The following ADAMTS19 variants were observed in gnomAD, a reference collection of about 807,000 sequenced individuals.
The protein encoded by ADAMTS19 is A disintegrin and metalloproteinase with thrombospondin motifs 19.
ADAMTS19 carries 93 observed loss-of-function variants against 153.3 expected under a neutral mutation model. That is an observed-to-expected ratio of 0.61 (90% CI 0.51 to 0.72). The LOEUF (loss-of-function observed/expected upper bound fraction) is 0.72, where lower values mean the gene tolerates loss of function less well. Among genes scored for constraint, ADAMTS19 ranks in the 30% least tolerant of loss-of-function variants. The pLI is 0.00. For synonymous variants in ADAMTS19, 600 were observed against 556.6 expected (o/e 1.08, Z -1.10); for missense variants, 1,482 against 1,552.1 (o/e 0.95, Z 0.76).
chr5:129,605,666 T>C (rs904970256), intron 8 of ADAMTS19, among the ~76,000 whole-genome samples: 3 of 152,210 alleles, frequency 2.0e-5, no homozygotes, highest in Non-Finnish European at 2.9e-5. Context: ...TCTTGTCTAC[T>C]TAGTTCACTG....
At chr5:129,493,136 C>T (rs1443285738) in intron 2 of ADAMTS19, among the ~76,000 whole-genome samples, 2 of 152,032 alleles carry the variant, frequency 1.3e-5, no homozygotes, top group African/African-American at 4.8e-5. Flanking sequence ...TAACATGGTT[C>T]TTCAAGGATT....
chr5:129,525,175 C>A (rs895843170), intron 3 of ADAMTS19, among the ~76,000 whole-genome samples: 13 of 152,034 alleles, frequency 8.6e-5, no homozygotes, highest in African/African-American at 2.7e-4. Flanking sequence ...TGTTTTAGAT[C>A]ATTGATTAAT....
chr5:129,648,906 G>A lies in ADAMTS19; in HGVS notation c.2112G>A (p.Gln704=). ...CTGGATTCAGAGACTGGCAATGTCA[G>A]GCTTATAGTGTTAGAACTTCCTCCC... ...GLPGFRDWQC[Q]AYSVRTSSPK... is the part of the protein sequence containing the mutation. Residue 704 remains glutamine, a synonymous_variant, in exon 13 of 23, where the codon CAG becomes CAA. Coordinates refer to ENST00000274487, the MANE Select transcript of ADAMTS19 (RefSeq NM_133638.6). The A allele has an allele frequency of 6.2e-7, 1 of 1,613,704 alleles. No individual in the cohort carries two copies.
intron 2 of ADAMTS19, among the ~76,000 whole-genome samples, chr5:129,494,835 C>A (rs1008468192): frequency 6.6e-6 from 1 of 152,028 alleles, no homozygotes; most frequent in African/African-American, 2.4e-5. Context: ...TCTTTTTGTT[C>A]TACCTTCAGA....
intron 2 of ADAMTS19, among the ~76,000 whole-genome samples, chr5:129,486,218 G>C (rs11748818): frequency 1.2e-4 from 19 of 152,034 alleles, no homozygotes; most frequent in Non-Finnish European, 2.6e-4. Flanking sequence ...TTGAAAGGAG[G>C]GAACACTCCC....
intron 6 of ADAMTS19, among the ~76,000 whole-genome samples, chr5:129,529,545 A>T (rs953335223): frequency 2.6e-5 from 4 of 152,218 alleles, no homozygotes; most frequent in African/African-American, 7.2e-5. Flanking sequence ...ATAAGAAGTC[A>T]CTGCTTTTAG....
intron 10 of ADAMTS19, among the ~76,000 whole-genome samples, chr5:129,639,403 G>A (rs189832409): frequency 9.9e-5 from 15 of 152,238 alleles, no homozygotes; most frequent in Middle Eastern, 3.4e-3. Flanking sequence ...TTTTAAGACC[G>A]AGGCTGTAAT....
chr5:129,587,333 TC>T (rs1749862209), intron 7 of ADAMTS19, among the ~76,000 whole-genome samples: 1 of 151,934 alleles, frequency 6.6e-6, no homozygotes, highest in African/African-American at 2.4e-5. Flanking sequence ...TACTCGATGT[TC>T]TTTTTTTTTT....
chr5:129,592,013 C>T (rs531203769), intron 7 of ADAMTS19, among the ~76,000 whole-genome samples: 1 of 152,184 alleles, frequency 6.6e-6, no homozygotes, highest in South Asian at 2.1e-4. Context: ...ACTTCTTGTA[C>T]ATGACTCATT....
intron 21 of ADAMTS19, among the ~76,000 whole-genome samples, chr5:129,730,947 TG>T (rs1757418265): frequency 2.0e-5 from 3 of 151,424 alleles, no homozygotes; most frequent in Non-Finnish European, 4.4e-5. Flanking sequence ...TGTTTTGTTT[TG>T]TTTTGTTTTG....
intron 6 of ADAMTS19, among the ~76,000 whole-genome samples, chr5:129,535,827 A>G (rs1752399057): frequency 1.3e-5 from 2 of 152,212 alleles, no homozygotes; most frequent in Admixed American, 6.5e-5. Flanking sequence ...TTCCCTATTT[A>G]ATAAATGGTG....
chr5:129,680,337 G>A (rs771136241), intron 17 of ADAMTS19, among the ~76,000 whole-genome samples: 2 of 152,098 alleles, frequency 1.3e-5, no homozygotes, highest in South Asian at 2.1e-4. Context: ...TATTCTACCC[G>A]AGAGAAGGAA....
At chr5:129,707,479 A>T (rs920366850) in intron 21 of ADAMTS19, among the ~76,000 whole-genome samples, 1 of 152,222 alleles carries the variant, frequency 6.6e-6, no homozygotes, top group Non-Finnish European at 1.5e-5. Flanking sequence ...AATTAAAACC[A>T]GTGGCTCCAC....
At chr5:129,596,515 C>T (rs748691560) in intron 7 of ADAMTS19, 44 bp from the exon 8 acceptor site, 1 of 1,270,646 alleles carries the variant, frequency 7.9e-7, no homozygotes. Context: ...TAAATATTTG[C>T]ATATTCATTC....
intron 15 of ADAMTS19, 43 bp from the exon 16 acceptor site, chr5:129,665,456 G>C (rs751446029): frequency 6.9e-7 from 1 of 1,458,738 alleles, no homozygotes; most frequent in Admixed American, 2.0e-5. Context: ...AAGAGATTTT[G>C]AAGGAACTCA....
intron 3 of ADAMTS19, 88 bp from the exon 4 acceptor site, chr5:129,526,196 A>C: frequency 2.6e-6 from 3 of 1,149,138 alleles, no homozygotes; most frequent in Non-Finnish European, 3.5e-6. Context: ...TCGGGAACTT[A>C]TTTGGGTTTG....
chr5:129,635,910 T>C lies in ADAMTS19; in HGVS notation c.1771-5949T>C, dbSNP rs114491170. ...ACGTTCAATTTATTTATTTATTTAT[T>C]ATTTGAGACAGAGTCTTGCTCTGCT... is the stretch of plus-strand genomic sequence containing the variant. On this transcript the variant is annotated intron_variant, in intron 10 of 22. Coordinates refer to ENST00000274487, the MANE Select transcript of ADAMTS19 (RefSeq NM_133638.6). Among the ~76,000 whole-genome samples the C allele has an allele frequency of 7.5e-3, 1,138 of 152,232 alleles. 12 individuals carry two copies. Among genetic ancestry groups the C allele is most frequent in the African/African-American group, 0.026 (1,067 of 41,528 alleles).
intron 21 of ADAMTS19, among the ~76,000 whole-genome samples, chr5:129,719,815 C>T (rs1756902438): frequency 6.6e-6 from 1 of 152,004 alleles, no homozygotes; most frequent in Non-Finnish European, 1.5e-5. Flanking sequence ...CCGAGGTGGG[C>T]AGATCACTTG....
At chr5:129,561,389 C>T (rs539132557) in intron 7 of ADAMTS19, among the ~76,000 whole-genome samples, 1 of 151,932 alleles carries the variant, frequency 6.6e-6, no homozygotes, top group Admixed American at 6.6e-5. Flanking sequence ...ATTAGCCGGG[C>T]GCGGTGGCGG....
Sources: allele counts gnomAD v4.1 joint callset (sites outside exome capture counted in the v4.1 genomes callset), GRCh38; gene constraint gnomAD v4.1.1; transcripts MANE v1.5; gene names NCBI Gene and HGNC (gene_info 2026-07-23, HGNC 2026-07-21).